FHIT: variants seen among roughly 807,000 people sequenced by gnomAD.
The protein encoded by FHIT is bis(5'-adenosyl)-triphosphatase.
In FHIT, 19 loss-of-function variants were observed where a neutral mutation model predicts 17.9. That is an observed-to-expected ratio of 1.06 (90% CI 0.74 to 1.56). FHIT has a LOEUF of 1.56. Ranked by LOEUF, FHIT falls within the 40% of genes most tolerant of loss-of-function variation. FHIT has a pLI of 0.00. For synonymous variants in FHIT, 81 were observed against 69.7 expected (o/e 1.16, Z -0.81); for missense variants, 248 against 189.2 (o/e 1.31, Z -1.82).
In FHIT at chr3:60,950,775, G is replaced by A. The variant is rs141496905; in HGVS notation, c.-111+91272C>T. On this transcript the variant is annotated intron_variant, in intron 3 of 9. Coordinates refer to ENST00000492590, the MANE Select transcript of FHIT (RefSeq NM_002012.4). ...TGACCTCAAGTGATCCACCCGCCTC[G>A]GCCTTCCAAAGTGCTGAGATTACAG... Among the ~76,000 whole-genome samples, 1,455 of 151,912 alleles carry A rather than the reference G, an allele frequency of 9.6e-3. 20 individuals carry two copies. Among genetic ancestry groups the A allele is most frequent in the African/African-American group, 0.033 (1,365 of 41,424 alleles).
intron 5 of FHIT, among the ~76,000 whole-genome samples, chr3:60,411,391 T>C (rs78642280): frequency 1.4e-3 from 215 of 152,190 alleles, no homozygotes; most frequent in African/African-American, 5.0e-3. Flanking sequence ...AGAAAAATAA[T>C]CCACTTAATG....
chr3:60,077,321 T>C (rs1428390873), intron 5 of FHIT: 2 of 151,996 alleles, frequency 1.3e-5, no homozygotes, highest in Non-Finnish European at 2.9e-5. Context: ...TGCCTACCTC[T>C]ACTCACAGAG....
At chr3:59,990,947 AT>A (rs1709203953) in intron 7 of FHIT, among the ~76,000 whole-genome samples, 1 of 70 alleles carries the variant, frequency 0.014, no homozygotes, top group Non-Finnish European at 0.029. Flanking sequence ...GAAGGACTCT[AT>A]AGAGTTGAAC....
rs140723993 is a variant in FHIT at position 59,749,503 on chromosome 3, C to G, written c.*82G>C. Reference sequence around the variant, plus strand: ...GCATTTTCATGCTGATTCAGTTCCTCTTGGGGAGAGGCGGGGGGCGGTCTT... The same window carrying G: ...GCATTTTCATGCTGATTCAGTTCCTGTTGGGGAGAGGCGGGGGGCGGTCTT... On this transcript the variant is annotated 3_prime_UTR_variant, in exon 10 of 10. Transcript: ENST00000492590. 1 of 148,720 alleles carries G rather than the reference C, an allele frequency of 6.7e-6. No individual in the cohort carries two copies. The highest frequency in any genetic ancestry group is 7.7e-5 in the East Asian group (1 of 13,012). The allele number at this position is 148,720 out of a possible 1,614,324, so 9.2% of individuals were successfully genotyped here.
chr3:59,868,047 TAA>T lies in FHIT; in HGVS notation c.348+54297_348+54298del, dbSNP rs1553701048. Among the ~76,000 whole-genome samples the T allele has an allele frequency of 3.4e-3, 379 of 111,354 alleles. 1 individual carries two copies. The highest frequency in any genetic ancestry group is 9.9e-3 in the Middle Eastern group (2 of 202). 73.1% of individuals were successfully genotyped at this position (111,354 alleles called of 152,430 possible). A position where few individuals can be genotyped will look rare whatever the true frequency, so the allele number is the denominator to read the frequency against. ...TGCTGTGGAAATGTTTTTTTTTTTT[TAA>T]AAAAAAAAAAAAAAAAACCTTTCAT... On this transcript the variant is annotated intron_variant, in intron 8 of 9. Transcript: ENST00000492590.
rs567318838 is a variant in FHIT at position 59,760,547 on chromosome 3, C to T, written c.349-8226G>A. Among the ~76,000 whole-genome samples the T allele has an allele frequency of 7.7e-5, 11 of 143,788 alleles. No individual in the cohort carries two copies. In the East Asian group the frequency reaches 1.4e-3, roughly 18 times the overall value. 94.3% of individuals were successfully genotyped at this position (143,788 alleles called of 152,430 possible). On this transcript the variant is annotated intron_variant, in intron 8 of 9. Coordinates refer to ENST00000492590, the MANE Select transcript of FHIT (RefSeq NM_002012.4). Reference sequence around the variant, plus strand: ...TGGGCATTTCAGGTTTGTTGGAGTACGCCCATGCCATCAAAAAAAAAAAAA... The same window carrying T: ...TGGGCATTTCAGGTTTGTTGGAGTATGCCCATGCCATCAAAAAAAAAAAAA...
intron 5 of FHIT, among the ~76,000 whole-genome samples, chr3:60,246,139 T>G (rs1230855037): frequency 6.6e-6 from 1 of 152,072 alleles, no homozygotes; most frequent in African/African-American, 2.4e-5. Context: ...AAAGAGGCAT[T>G]GCAGTAATAC....
At chr3:59,763,609 C>T (rs934477153) in intron 8 of FHIT, among the ~76,000 whole-genome samples, 2 of 152,200 alleles carry the variant, frequency 1.3e-5, no homozygotes, top group Non-Finnish European at 2.9e-5. Flanking sequence ...GGGAGGCTTA[C>T]ATTCTAGGAG....
intron 8 of FHIT, among the ~76,000 whole-genome samples, chr3:59,858,418 G>A (rs997432237): frequency 1.3e-5 from 2 of 151,716 alleles, no homozygotes; most frequent in Non-Finnish European, 2.9e-5. Context: ...AGTATAGACG[G>A]GGTTTCACCA....
chr3:60,504,622 G>A (rs879256345), intron 5 of FHIT, among the ~76,000 whole-genome samples: 6 of 152,092 alleles, frequency 3.9e-5, no homozygotes, highest in Admixed American at 2.6e-4. Flanking sequence ...GAGCTTCAGC[G>A]ATAGTGGACA....
At chr3:60,767,289 A>G (rs1553721741) in intron 4 of FHIT, among the ~76,000 whole-genome samples, 3 of 152,246 alleles carry the variant, frequency 2.0e-5, no homozygotes, top group Non-Finnish European at 4.4e-5. Flanking sequence ...TTATAAGAAC[A>G]GAGAGGATGA....
At chr3:60,765,645 G>A (rs1699824264) in intron 4 of FHIT, 1 of 152,190 alleles carries the variant, frequency 6.6e-6, no homozygotes, top group Admixed American at 6.5e-5. Flanking sequence ...ATTAGGTGTC[G>A]ACTAGATTGG....
intron 4 of FHIT, among the ~76,000 whole-genome samples, chr3:60,615,460 A>G (rs541345468): frequency 9.2e-4 from 140 of 152,348 alleles, no homozygotes; most frequent in African/African-American, 3.2e-3. Context: ...AGAGTATTAC[A>G]GTAAAAGAAC....
chr3:60,412,591 C>A (rs1702103159), intron 5 of FHIT, among the ~76,000 whole-genome samples: 1 of 152,036 alleles, frequency 6.6e-6, no homozygotes, highest in South Asian at 2.1e-4. Flanking sequence ...AGGTACTCTG[C>A]AGATCTCACT....
At chr3:60,399,803 C>A (rs974627206) in intron 5 of FHIT, among the ~76,000 whole-genome samples, 1 of 152,100 alleles carries the variant, frequency 6.6e-6, no homozygotes, top group Non-Finnish European at 1.5e-5. Context: ...AGCTATGATA[C>A]ATAATTTTTT....
chr3:60,078,817 G>A (rs1355997719), intron 5 of FHIT, among the ~76,000 whole-genome samples: 1 of 151,196 alleles, frequency 6.6e-6, no homozygotes, highest in Non-Finnish European at 1.5e-5. Flanking sequence ...GTGAGAGAGA[G>A]AAAATATAAT....
intron 1 of FHIT, among the ~76,000 whole-genome samples, chr3:61,226,021 G>C (rs964622112): frequency 6.6e-6 from 1 of 152,140 alleles, no homozygotes; most frequent in African/African-American, 2.4e-5. Context: ...AGGAACAGTA[G>C]AATTTCTCTG....
chr3:60,839,753 C>G (rs1382846494), intron 3 of FHIT, among the ~76,000 whole-genome samples: 2 of 152,058 alleles, frequency 1.3e-5, no homozygotes, highest in African/African-American at 4.8e-5. Flanking sequence ...CACCCCACCC[C>G]CTTAGAAGCA....
chr3:60,082,298 A>G (rs1399254577), intron 5 of FHIT, among the ~76,000 whole-genome samples: 1 of 135,494 alleles, frequency 7.4e-6, no homozygotes, highest in Admixed American at 7.3e-5. Flanking sequence ...TGCAACAGAC[A>G]TGATTTCATT....
Sources: gnomAD v4.1 joint callset for allele counts (sites outside exome capture counted in the v4.1 genomes callset) on GRCh38, gnomAD v4.1.1 for gene constraint, MANE v1.5 for transcripts, NCBI Gene and HGNC (gene_info 2026-07-23, HGNC 2026-07-21) for gene names.